The following PITPNM2 variants were observed in gnomAD, a reference collection of about 807,000 sequenced individuals.
PITPNM2 encodes membrane-associated phosphatidylinositol transfer protein 2.
In PITPNM2, 35 loss-of-function variants were observed where a neutral mutation model predicts 132.2. That is an observed-to-expected ratio of 0.26 (90% CI 0.20 to 0.35). The LOEUF (loss-of-function observed/expected upper bound fraction) is 0.35, where lower values mean the gene tolerates loss of function less well. Among genes scored for constraint, PITPNM2 ranks in the 10% least tolerant of loss-of-function variants. The pLI is 1.00. For synonymous variants in PITPNM2, 738 were observed against 799.2 expected (o/e 0.92, Z 1.29); for missense variants, 1,332 against 1,912.0 (o/e 0.70, Z 5.66).
rs1363855928 is a variant in PITPNM2 at position 123,117,660 on chromosome 12, A to C, written c.-199-7172T>G. Among the ~76,000 whole-genome samples, 1 of 152,176 alleles carries C rather than the reference A, an allele frequency of 6.6e-6. No homozygotes were observed. The highest frequency in any genetic ancestry group is 2.4e-5 in the African/African-American group (1 of 41,442). On this transcript the variant is annotated intron_variant, in intron 1 of 25. Coordinates refer to ENST00000320201, the MANE Select transcript of PITPNM2 (RefSeq NM_020845.3). This position sits in a 1 kb window ranked among gnomAD's most constrained non-coding sequence, Gnocchi z 4.7. The stretch of plus-strand genomic sequence containing the variant: ...TCCAATGACTTGCATCTAGGTTTGC[A>C]AGGCAGACAGAAGTGCTCACTGGGC...
chr12:123,130,311 A>G (rs754865573), intron 1 of PITPNM2, among the ~76,000 whole-genome samples: 84 of 152,232 alleles, frequency 5.5e-4, no homozygotes, highest in South Asian at 1.2e-3. Flanking sequence ...CTGGCCCACA[A>G]TTATCTCAGC....
At chr12:123,143,739 CAG>C (rs1357582290) in intron 1 of PITPNM2, among the ~76,000 whole-genome samples, 2 of 152,204 alleles carry the variant, frequency 1.3e-5, no homozygotes, top group African/African-American at 4.8e-5. Context: ...TAGACTTGAG[CAG>C]AGAGAGATGG....
Position 123,023,166 on chromosome 12 carries a change from GCCTGACC to G in PITPNM2, c.79-9131_79-9125del, listed in dbSNP as rs2039735561. ...TAGGAGTGGCCCTTGCTGCCAAAGA[GCCTGACC>G]CCAGGGTAGAAATGTGTCTCCTGGA... On this transcript the variant is annotated intron_variant, in intron 3 of 25. Coordinates refer to ENST00000320201, the MANE Select transcript of PITPNM2 (RefSeq NM_020845.3). This position sits in a 1 kb window ranked among gnomAD's most constrained non-coding sequence, Gnocchi z 4.8. Among the ~76,000 whole-genome samples the G allele has an allele frequency of 6.6e-6, 1 of 152,260 alleles. No individual in the cohort carries two copies. Among genetic ancestry groups the G allele is most frequent in the African/African-American group, 2.4e-5 (1 of 41,472 alleles).
chr12:123,009,837 T>TG lies in PITPNM2; in HGVS notation c.643+12dup. On this transcript the variant is annotated intron_variant, in intron 6 of 25. Transcript: ENST00000320201. This position sits in a 1 kb window ranked among gnomAD's most constrained non-coding sequence, Gnocchi z 4.8. ...TAGCCCAGCCACTGCCCACCTGGCA[T>TG]GGGTGTGCTCACCGGTGTCGTGGAT... 1 of 1,612,502 alleles carries TG rather than the reference T, an allele frequency of 6.2e-7. No individual in the cohort carries two copies. Among genetic ancestry groups the TG allele is most frequent in the Non-Finnish European group, 8.5e-7 (1 of 1,178,550 alleles).
intron 3 of PITPNM2, among the ~76,000 whole-genome samples, chr12:123,028,839 G>C: frequency 6.6e-6 from 1 of 152,210 alleles, no homozygotes; most frequent in Middle Eastern, 3.2e-3. Flanking sequence ...CAGAGGGTCA[G>C]AGGAAGCTGC....
intron 3 of PITPNM2, among the ~76,000 whole-genome samples, chr12:123,027,868 C>T (rs776555248): frequency 6.6e-6 from 1 of 152,202 alleles, no homozygotes; most frequent in African/African-American, 2.4e-5. Flanking sequence ...CCAGTGATGG[C>T]GTCCAAGGGG....
At chr12:123,044,164 G>A (rs1442509192) in intron 2 of PITPNM2, among the ~76,000 whole-genome samples, 2 of 152,228 alleles carry the variant, frequency 1.3e-5, no homozygotes, top group Admixed American at 1.3e-4. Flanking sequence ...GGCCCCAGCA[G>A]TTAGGGTCTA....
chr12:123,066,431 AAG>A (rs2041416070), intron 2 of PITPNM2, among the ~76,000 whole-genome samples: 2 of 152,148 alleles, frequency 1.3e-5, no homozygotes, highest in African/African-American at 4.8e-5. Flanking sequence ...AGCCAGGAGC[AAG>A]AGCAGGGGTC....
At chr12:123,026,179 C>CT (rs1417523219) in intron 3 of PITPNM2, among the ~76,000 whole-genome samples, 1 of 152,272 alleles carries the variant, frequency 6.6e-6, no homozygotes, top group African/African-American at 2.4e-5. Flanking sequence ...TTTCCAAACT[C>CT]TAAGTGGAGA....
In PITPNM2 at chr12:123,031,164, CAA is replaced by C. The variant is rs2040074103; in HGVS notation, c.78+3347_78+3348del. Reference sequence around the variant, plus strand: ...GAATTTCACCTCAATAAAAGCAAAACAAGACAACAACCAATCAAGTAAGCCCA... The same window carrying C: ...GAATTTCACCTCAATAAAAGCAAAACGACAACAACCAATCAAGTAAGCCCA... On this transcript the variant is annotated intron_variant, in intron 3 of 25. Transcript: ENST00000320201. The surrounding 1 kb of genome is among the most constrained non-coding windows in gnomAD (Gnocchi z 4.5). Among the ~76,000 whole-genome samples the C allele has an allele frequency of 6.6e-6, 1 of 152,306 alleles. No individual in the cohort carries two copies. Among genetic ancestry groups the C allele is most frequent in the Middle Eastern group, 3.4e-3 (1 of 294 alleles).
intron 2 of PITPNM2, among the ~76,000 whole-genome samples, chr12:123,062,475 G>A (rs532898476): frequency 1.3e-5 from 2 of 152,148 alleles, no homozygotes; most frequent in Admixed American, 1.3e-4. Flanking sequence ...AGAAATCCCA[G>A]GGAAGGGACA....
chr12:122,991,868 A>G, intron 16 of PITPNM2: 1 of 1,310,348 alleles, frequency 7.6e-7, no homozygotes, highest in Non-Finnish European at 9.7e-7. Flanking sequence ...GCCCTCCAGG[A>G]CCAGCTCAGG....
At chr12:123,101,946 C>G (rs1305117148) in intron 2 of PITPNM2, among the ~76,000 whole-genome samples, 1 of 152,124 alleles carries the variant, frequency 6.6e-6, no homozygotes, top group Non-Finnish European at 1.5e-5. Flanking sequence ...CATGCAAGTT[C>G]GAGACTGCAG....
chr12:123,075,294 C>T (rs2041750074), intron 2 of PITPNM2, among the ~76,000 whole-genome samples: 1 of 152,192 alleles, frequency 6.6e-6, no homozygotes, highest in African/African-American at 2.4e-5. Context: ...CATGCAACAC[C>T]ACCAACAGAC....
chr12:123,065,389 G>A (rs1305260122), intron 2 of PITPNM2, among the ~76,000 whole-genome samples: 1 of 152,216 alleles, frequency 6.6e-6, no homozygotes. Flanking sequence ...ACAGGGCTCT[G>A]CCCAGAGCAG....
At chr12:123,142,544 T>C (rs2043526703) in intron 1 of PITPNM2, among the ~76,000 whole-genome samples, 1 of 152,196 alleles carries the variant, frequency 6.6e-6, no homozygotes, top group East Asian at 1.9e-4. Flanking sequence ...TTTAAACTAG[T>C]AGTTCCTGAC....
intron 10 of PITPNM2, among the ~76,000 whole-genome samples, chr12:122,999,117 A>T (rs1470232073): frequency 2.0e-5 from 3 of 151,862 alleles, no homozygotes; most frequent in African/African-American, 7.3e-5. Flanking sequence ...TCTCCAAAAA[A>T]AAAAAAAAAA....
intron 2 of PITPNM2, among the ~76,000 whole-genome samples, chr12:123,070,798 T>C (rs747521311): frequency 1.6e-4 from 24 of 152,178 alleles, no homozygotes; most frequent in South Asian, 4.1e-4. Context: ...AGGCTAGTTG[T>C]GGGGGCAGCC....
intron 1 of PITPNM2, among the ~76,000 whole-genome samples, chr12:123,112,955 T>A (rs994984692): frequency 1.3e-5 from 2 of 152,154 alleles, no homozygotes; most frequent in African/African-American, 2.4e-5. Flanking sequence ...CCTAAAAAAT[T>A]TTCAGATCCC....
Sources: allele counts gnomAD v4.1 joint callset (sites outside exome capture counted in the v4.1 genomes callset), GRCh38; gene constraint gnomAD v4.1.1; non-coding constraint Gnocchi (gnomAD v3.1); transcripts MANE v1.5; gene names NCBI Gene and HGNC (gene_info 2026-07-23, HGNC 2026-07-21).